The following LEMD3 variants were observed in gnomAD, a reference collection of about 807,000 sequenced individuals.
The protein encoded by LEMD3 is LEM domain containing 3.
Under a neutral mutation model 95.2 loss-of-function variants are expected in LEMD3, and 33 were observed. The observed-to-expected ratio is 0.35, with a 90% CI of 0.26 to 0.46. The LOEUF (loss-of-function observed/expected upper bound fraction) is 0.46. Ranked by LOEUF, LEMD3 falls within the 20% of genes least tolerant of loss-of-function variation. The pLI, the probability that LEMD3 is intolerant of heterozygous loss-of-function variation, is 1.00. For missense variants in LEMD3, 1,210 were observed against 1,192.8 expected, an observed-to-expected ratio of 1.01 and a Z score of -0.21; for synonymous variants, 525 against 474.6, an observed-to-expected ratio of 1.11 and a Z score of -1.38.
intron 4 of LEMD3, among the ~76,000 whole-genome samples, chr12:65,231,561 G>A (rs1039308982): frequency 6.6e-6 from 1 of 151,954 alleles, no homozygotes; most frequent in African/African-American, 2.4e-5. Context: ...GTGGCACATG[G>A]CTCTGTAGAC....
At chr12:65,209,218 A>G (rs2136334825) in intron 1 of LEMD3, among the ~76,000 whole-genome samples, 1 of 152,226 alleles carries the variant, frequency 6.6e-6, no homozygotes, top group African/African-American at 2.4e-5. Context: ...GATAATTTAC[A>G]GTTATGCTTT....
chr12:65,244,907 C>T (rs564967892), intron 10 of LEMD3, among the ~76,000 whole-genome samples: 8 of 151,952 alleles, frequency 5.3e-5, no homozygotes, highest in Non-Finnish European at 8.8e-5. Context: ...GCCGAGATCA[C>T]GCCACTGCAC....
At chr12:65,209,617 C>A (rs751192000) in intron 1 of LEMD3, among the ~76,000 whole-genome samples, 73 of 152,088 alleles carry the variant, frequency 4.8e-4, no homozygotes, top group Non-Finnish European at 8.7e-4. Context: ...CCCTATTCCC[C>A]TTTTGAGTAC....
At chr12:65,198,550 G>A (rs1005753013) in intron 1 of LEMD3, among the ~76,000 whole-genome samples, 3 of 152,060 alleles carry the variant, frequency 2.0e-5, no homozygotes, top group East Asian at 1.9e-4. Context: ...GACATATTGC[G>A]TTGTCTTTAT....
chr12:65,216,448 T>C (rs550085551), intron 3 of LEMD3, among the ~76,000 whole-genome samples: 3 of 152,170 alleles, frequency 2.0e-5, no homozygotes, highest in African/African-American at 7.2e-5. Context: ...GTAAATTTAT[T>C]CTCCTGTAAT....
At position 65,196,741 on chromosome 12, in the gene LEMD3, C is replaced by T. The variant is rs538000412; in HGVS notation, c.1523-14185C>T. On this transcript the variant is annotated intron_variant, in intron 1 of 12. Coordinates refer to ENST00000308330, the MANE Select transcript of LEMD3 (RefSeq NM_014319.5). Reference sequence around the variant, plus strand: ...AAGCTTGTACCTGAGAGGGACCTACCAATGGTGACCTCCAAATGCGCAGCA... The same window carrying T: ...AAGCTTGTACCTGAGAGGGACCTACTAATGGTGACCTCCAAATGCGCAGCA... Among the ~76,000 whole-genome samples the T allele has an allele frequency of 7.9e-5, 12 of 152,128 alleles. No homozygotes were observed. The South Asian group carries it at 2.5e-3, about 32-fold the overall frequency.
chr12:65,242,647 C>T (rs1221175327), intron 9 of LEMD3, among the ~76,000 whole-genome samples: 1 of 152,266 alleles, frequency 6.6e-6, no homozygotes, highest in East Asian at 1.9e-4. Context: ...TGTCCTGATT[C>T]TATCCGCTTG....
chr12:65,186,784 TA>T (rs1300021540), intron 1 of LEMD3, among the ~76,000 whole-genome samples: 1 of 151,938 alleles, frequency 6.6e-6, no homozygotes, highest in Non-Finnish European at 1.5e-5. Context: ...GTTAAGTAAG[TA>T]AAAATATATA....
At chr12:65,190,086 A>G (rs775724676) in intron 1 of LEMD3, among the ~76,000 whole-genome samples, 1 of 152,156 alleles carries the variant, frequency 6.6e-6, no homozygotes, top group Non-Finnish European at 1.5e-5. Context: ...ATCCAGCTCT[A>G]TGTACATTTT....
intron 1 of LEMD3, among the ~76,000 whole-genome samples, chr12:65,174,288 C>T (rs1868644529): frequency 6.6e-6 from 1 of 152,062 alleles, no homozygotes; most frequent in African/African-American, 2.4e-5. Context: ...GATCCCTAAG[C>T]TCTTTCCAGC....
At chr12:65,223,547 A>G (rs1159982966) in intron 4 of LEMD3, among the ~76,000 whole-genome samples, 2 of 151,612 alleles carry the variant, frequency 1.3e-5, no homozygotes, top group Admixed American at 1.3e-4. Flanking sequence ...GAGTATGGCT[A>G]CCCCTACTCT....
In LEMD3 at chr12:65,218,573, C is replaced by G. The variant is rs760830144; in HGVS notation, c.1649C>G (p.Ser550Cys). 6.2e-7 allele frequency: 1 copy of G among 1,606,288 alleles called. No individual in the cohort carries two copies. Among genetic ancestry groups the G allele is most frequent in the Admixed American group, 1.7e-5 (1 of 59,930 alleles). ...CCAGGAGATCATGAATGTGGCAGTT[C>G]TAGTCAAAGAACGCTTTCTGTTCAA... Reference protein sequence around the residue: ...QLAGDHECGSSSQRTLSVQEA... With the variant: ...QLAGDHECGSCSQRTLSVQEA... Residue 550 changes from serine (S) to cysteine (C), a missense_variant, in exon 4 of 13, where the codon TCT becomes TGT. Ser to Cys is a moderately radical substitution (Grantham distance 112). Coordinates refer to ENST00000308330, the MANE Select transcript of LEMD3 (RefSeq NM_014319.5).
At chr12:65,177,257 A>G (rs1012799983) in intron 1 of LEMD3, among the ~76,000 whole-genome samples, 1 of 152,176 alleles carries the variant, frequency 6.6e-6, no homozygotes, top group Non-Finnish European at 1.5e-5. Flanking sequence ...AGACAGTGAT[A>G]GGGTTGGAGG....
At position 65,170,400 on chromosome 12, in the gene LEMD3, C is replaced by G. The variant is rs541345339; in HGVS notation, c.804C>G (p.Asp268Glu). The change falls in exon 1 of 13, where the codon GAC becomes GAG. Residue 268 changes from aspartate (D) to glutamate (E), a missense_variant. Asp to Glu is a conservative substitution (Grantham distance 45). This residue lies in a region of LEMD3 where 749 missense variants were observed against 622.9 expected (regional missense o/e 1.20). Transcript: ENST00000308330. ...YSDSEEEDDDDVASSRQVLKD... is the reference protein window; with the variant it reads ...YSDSEEEDDDEVASSRQVLKD... ...ACTCAGAGGAAGAGGACGACGACGA[C>G]GTGGCCTCCAGCAGACAGGTATTAA... 5 of 1,614,098 alleles carry G rather than the reference C, an allele frequency of 3.1e-6. No homozygotes were observed. Among genetic ancestry groups the G allele is most frequent in the South Asian group, 1.1e-5 (1 of 91,078 alleles).
intron 1 of LEMD3, among the ~76,000 whole-genome samples, chr12:65,183,669 T>C (rs549672936): frequency 2.6e-5 from 4 of 152,282 alleles, no homozygotes; most frequent in East Asian, 3.9e-4. Flanking sequence ...GTCCTGTTTT[T>C]TGTTTCTGTT....
rs749717670 is a variant in LEMD3 at position 65,210,933 on chromosome 12, C to T, written c.1530C>T (p.Asn510=). The T allele has an allele frequency of 6.9e-6, 11 of 1,594,278 alleles. No individual in the cohort carries two copies. Among genetic ancestry groups the T allele is most frequent in the Non-Finnish European group, 8.6e-6 (10 of 1,162,140 alleles). The part of the protein sequence containing the change: ...VSEDGELSIE[N]PFGETFGKIQ... ...TTTTTCCTTCCTTGATAGTAGAAAA[C>T]CCCTTTGGTGAAACATTTGGAAAAA... is the stretch of plus-strand genomic sequence containing the variant. Residue 510 remains asparagine (N), a synonymous_variant, in exon 2 of 13, where the codon AAC becomes AAT. Transcript: ENST00000308330.
At chr12:65,245,541 C>T in intron 10 of LEMD3, 128 bp from the exon 11 acceptor site, 3 of 721,620 alleles carry the variant, frequency 4.2e-6, no homozygotes, top group Non-Finnish European at 7.4e-6. Context: ...TTACTTAATA[C>T]CAATTAAAAT....
intron 1 of LEMD3, among the ~76,000 whole-genome samples, chr12:65,173,219 A>G (rs1399488215): frequency 3.9e-5 from 6 of 152,254 alleles, no homozygotes; most frequent in East Asian, 3.9e-4. Flanking sequence ...GTAATTGACT[A>G]TTTGGTAGGA....
chr12:65,188,764 G>A (rs181159487), intron 1 of LEMD3, among the ~76,000 whole-genome samples: 12 of 152,258 alleles, frequency 7.9e-5, no homozygotes, highest in Middle Eastern at 6.8e-3. Flanking sequence ...CAAAAGTCAT[G>A]ATGTCAGGCT....
Sources: gnomAD v4.1 joint callset for allele counts (sites outside exome capture counted in the v4.1 genomes callset) on GRCh38, gnomAD v4.1.1 for gene constraint, gnomAD v4.1.1 regional missense constraint, MANE v1.5 for transcripts, NCBI Gene and HGNC (gene_info 2026-07-23, HGNC 2026-07-21) for gene names.